Variants in ZBTB47 observed in about 807,000 individuals in gnomAD.
ZBTB47 encodes zinc finger and BTB domain-containing protein 47.
A neutral mutation model predicts 56.6 loss-of-function variants in ZBTB47; 24 were observed. The observed-to-expected ratio is 0.42, with a 90% CI of 0.31 to 0.60. ZBTB47 has a LOEUF of 0.60. Among genes scored for constraint, ZBTB47 ranks in the 20% least tolerant of loss-of-function variants. ZBTB47 has a pLI of 0.14. For synonymous variants in ZBTB47, 414 were observed against 418.9 expected, an observed-to-expected ratio of 0.99 and a Z score of 0.14; for missense variants, 829 against 1,032.6, an observed-to-expected ratio of 0.80 and a Z score of 2.70.
rs572377285 is a variant in ZBTB47, at chr3:42,666,583, C to T, written c.*1985C>T. On this transcript the variant is annotated 3_prime_UTR_variant, in exon 6 of 6. Coordinates refer to ENST00000232974, the MANE Select transcript of ZBTB47 (RefSeq NM_145166.4). ...CCAGTGGGCTGTAGGCAGGGTCCTC[C>T]ATGGGTTTCCAACCCCCATCACTGG... is the stretch of plus-strand genomic sequence containing the variant. Among the ~76,000 whole-genome samples, 3 of 152,310 alleles carry T rather than the reference C, an allele frequency of 2.0e-5. No homozygotes were observed. The highest frequency in any genetic ancestry group is 4.4e-5 in the Non-Finnish European group (3 of 68,022).
chr3:42,659,834 C>T lies in ZBTB47; in HGVS notation c.1473+6C>T. The T allele has an allele frequency of 6.3e-7, 1 of 1,591,936 alleles. No homozygotes were observed. Among genetic ancestry groups the T allele is most frequent in the Non-Finnish European group, 8.6e-7 (1 of 1,167,260 alleles). The stretch of plus-strand genomic sequence containing the variant: ...ACTGCGAGCGCAACATCCAGGTGGG[C>T]CTCACGTGGCTGGGGGCAGGGCAGA... On this transcript the variant is annotated splice_donor_region_variant and intron_variant, in intron 2 of 5. Coordinates refer to ENST00000232974, the MANE Select transcript of ZBTB47 (RefSeq NM_145166.4).
intron 1 of ZBTB47, 96 bp from the exon 2 acceptor site, chr3:42,658,179 C>T (rs975750200): frequency 2.3e-6 from 3 of 1,332,704 alleles, no homozygotes; most frequent in African/African-American, 3.0e-5. Flanking sequence ...GATGGGCTGC[C>T]TCCTGGATGG....
rs768798860 is a variant in ZBTB47, at chr3:42,659,153, G to A, written c.798G>A (p.Leu266=). 31 of 1,514,528 alleles carry A rather than the reference G, an allele frequency of 2.0e-5. No homozygotes were observed. In the African/African-American group the frequency reaches 3.7e-4, roughly 18 times the overall value. 93.8% of individuals were successfully genotyped at this position (1,514,528 alleles called of 1,614,324 possible). A position where few individuals can be genotyped will look rare whatever the true frequency, so the allele number is the denominator to read the frequency against. Residue 266 remains leucine, a synonymous_variant, in exon 2 of 6, where the codon CTG becomes CTA. Coordinates refer to ENST00000232974, the MANE Select transcript of ZBTB47 (RefSeq NM_145166.4). Reference sequence around the variant, plus strand: ...GGCCAAGCCCAGCCACCGTGGTTCTGGGCCGGGAGGACGGGCTGCAGAGAC... The same window carrying A: ...GGCCAAGCCCAGCCACCGTGGTTCTAGGCCGGGAGGACGGGCTGCAGAGAC... The part of the protein sequence containing the change: ...GAGPSPATVV[L]GREDGLQRHS...
intron 3 of ZBTB47, among the ~76,000 whole-genome samples, chr3:42,661,883 C>T (rs1710725979): frequency 6.6e-6 from 1 of 152,202 alleles, no homozygotes; most frequent in Non-Finnish European, 1.5e-5. Flanking sequence ...AGGTGGGAAC[C>T]GGAATCAAGC....
Position 42,658,873 on chromosome 3 carries a change from C to T in ZBTB47, c.518C>T (p.Thr173Ile). 1.3e-6 allele frequency: 2 copies of T among 1,519,500 alleles called. No homozygotes were observed. The highest frequency in any genetic ancestry group is 1.8e-6 in the Non-Finnish European group (2 of 1,137,840). The allele number at this position is 1,519,500 out of a possible 1,614,324, so 94.1% of individuals were successfully genotyped here. ...YSVRVEDGAGTAGGTVPATIG... is the reference protein window; with the variant it reads ...YSVRVEDGAGIAGGTVPATIG... ...GTGCGTGTTGAGGACGGGGCAGGGA[C>T]TGCTGGTGGCACAGTGCCTGCCACC... Residue 173 changes from threonine (T) to isoleucine (I), a missense_variant, in exon 2 of 6, where the codon ACT becomes ATT. Physicochemically the swap from Thr to Ile is moderately conservative, Grantham distance 89 (BLOSUM62 -1). Transcript: ENST00000232974.
Position 42,661,564 on chromosome 3 carries a change from A to G in ZBTB47, c.1553A>G (p.Lys518Arg), listed in dbSNP as rs1189318319. The G allele has an allele frequency of 3.1e-6, 5 of 1,613,966 alleles. No homozygotes were observed. The highest frequency in any genetic ancestry group is 1.3e-5 in the African/African-American group (1 of 74,962). ...AAGATTGTGCACGGCTACGCAGAGAAGAAGTTCTCATGCGAGATCTGTGAG... is the reference window on the plus strand; with the variant it reads ...AAGATTGTGCACGGCTACGCAGAGAGGAAGTTCTCATGCGAGATCTGTGAG... Reference protein sequence around the residue: ...HNKIVHGYAEKKFSCEICEKK... With the variant: ...HNKIVHGYAERKFSCEICEKK... Residue 518 changes from lysine to arginine, a missense_variant, in exon 3 of 6, where the codon AAG becomes AGG. Lys to Arg is a conservative substitution (Grantham distance 26). Around this residue, in one of 6 missense-constraint regions of ZBTB47, gnomAD observed 187 missense variants for 253.1 expected, o/e 0.74. Transcript: ENST00000232974.
At position 42,661,470 on chromosome 3, in the gene ZBTB47, CCT is replaced by C; in HGVS notation, c.1474-12_1474-11del. 6.2e-7 allele frequency: 1 copy of C among 1,612,430 alleles called. No individual in the cohort carries two copies. Among genetic ancestry groups the C allele is most frequent in the Non-Finnish European group, 8.5e-7 (1 of 1,179,192 alleles). On this transcript the variant is annotated splice_polypyrimidine_tract_variant and intron_variant, in intron 2 of 5. Coordinates refer to ENST00000232974, the MANE Select transcript of ZBTB47 (RefSeq NM_145166.4). ...GGACTCAGGACCCAGGGCCTCAAGT[CCT>C]CTTATTCTGCAGTGTGTGACATGTG...
chr3:42,653,320 G>A (rs1009019058), upstream of ZBTB47, among the ~76,000 whole-genome samples: 1 of 152,192 alleles, frequency 6.6e-6, no homozygotes, highest in African/African-American at 2.4e-5. Context: ...TCGTGAGTAG[G>A]ACAACATACC....
Position 42,658,304 on chromosome 3 carries a change from G to T in ZBTB47, c.-52G>T. ...TGGTTGAGAAGACAACTGACTCCCCGGCGGCTGAGTTCTCGCTGGTGGAGG... is the reference window on the plus strand; with the variant it reads ...TGGTTGAGAAGACAACTGACTCCCCTGCGGCTGAGTTCTCGCTGGTGGAGG... On this transcript the variant is annotated 5_prime_UTR_variant, in exon 2 of 6. Coordinates refer to ENST00000232974, the MANE Select transcript of ZBTB47 (RefSeq NM_145166.4). 13 of 1,486,534 alleles carry T rather than the reference G, an allele frequency of 8.7e-6. No homozygotes were observed. In the South Asian group the frequency reaches 1.7e-4, roughly 20 times the overall value. 92.1% of individuals were successfully genotyped at this position (1,486,534 alleles called of 1,614,324 possible). A position where few individuals can be genotyped will look rare whatever the true frequency, so the allele number is the denominator to read the frequency against.
At chr3:42,662,838 C>T (rs1403821533) in intron 3 of ZBTB47, among the ~76,000 whole-genome samples, 174 bp from the exon 4 acceptor site, 1 of 152,210 alleles carries the variant, frequency 6.6e-6, no homozygotes, top group Non-Finnish European at 1.5e-5. Flanking sequence ...GAGACCCAGC[C>T]ATGGAGGCAG....
At chr3:42,655,210 T>C (rs1349025013) in intron 1 of ZBTB47, among the ~76,000 whole-genome samples, 1 of 152,132 alleles carries the variant, frequency 6.6e-6, no homozygotes, top group East Asian at 1.9e-4. Context: ...CAGAGGAGGC[T>C]GGCATGGACA....
intron 1 of ZBTB47, among the ~76,000 whole-genome samples, chr3:42,657,001 C>T (rs1379816015): frequency 6.6e-6 from 1 of 152,212 alleles, no homozygotes; most frequent in Non-Finnish European, 1.5e-5. Context: ...GTTGGGCAGG[C>T]CCTGAGGAGA....
upstream of ZBTB47, among the ~76,000 whole-genome samples, chr3:42,653,445 A>G (rs1414509080): frequency 6.6e-6 from 1 of 152,288 alleles, no homozygotes; most frequent in Admixed American, 6.5e-5. Context: ...CAGGATGGGC[A>G]GTAGTGAGCT....
Position 42,664,734 on chromosome 3 carries a change from T to C in ZBTB47, c.*136T>C, listed in dbSNP as rs1189068976. On this transcript the variant is annotated 3_prime_UTR_variant, in exon 6 of 6. Coordinates refer to ENST00000232974, the MANE Select transcript of ZBTB47 (RefSeq NM_145166.4). ...CCTCCAGAAGTGGCTGGATGTACCCTGCCTGAGGCCCCGACGAGGAGGGGT... is the reference window on the plus strand; with the variant it reads ...CCTCCAGAAGTGGCTGGATGTACCCCGCCTGAGGCCCCGACGAGGAGGGGT... 3 of 1,068,014 alleles carry C rather than the reference T, an allele frequency of 2.8e-6. No homozygotes were observed. The highest frequency in any genetic ancestry group is 3.6e-6 in the Non-Finnish European group (3 of 823,578). 66.2% of individuals were successfully genotyped at this position (1,068,014 alleles called of 1,614,324 possible). A position where few individuals can be genotyped will look rare whatever the true frequency, so the allele number is the denominator to read the frequency against.
At position 42,659,672 on chromosome 3, in the gene ZBTB47, G is replaced by T; in HGVS notation, c.1317G>T (p.Gln439His). 1 of 1,612,854 alleles carries T rather than the reference G, an allele frequency of 6.2e-7. No homozygotes were observed. The highest frequency in any genetic ancestry group is 8.5e-7 in the Non-Finnish European group (1 of 1,179,460). Residue 439 changes from glutamine (Q) to histidine (H), a missense_variant, in exon 2 of 6, where the codon CAG becomes CAT. Coordinates refer to ENST00000232974, the MANE Select transcript of ZBTB47 (RefSeq NM_145166.4). ...AGGAGAAGCAGCACCATCCATGCCA[G>T]AAGTGCCCACGAGTTTTCAACAACC... Reference protein sequence around the residue: ...KLEEKQHHPCQKCPRVFNNRW... With the variant: ...KLEEKQHHPCHKCPRVFNNRW...
chr3:42,660,894 A>G (rs1473960874), intron 2 of ZBTB47, among the ~76,000 whole-genome samples: 1 of 152,174 alleles, frequency 6.6e-6, no homozygotes, highest in African/African-American at 2.4e-5. Flanking sequence ...GGTGTCCTGC[A>G]TAGATGGGCA....
Position 42,658,841 on chromosome 3 carries a change from T to G in ZBTB47, c.486T>G (p.Pro162=), listed in dbSNP as rs1710670976. The G allele has an allele frequency of 6.5e-7, 1 of 1,532,786 alleles. No homozygotes were observed. Among genetic ancestry groups the G allele is most frequent in the South Asian group, 1.2e-5 (1 of 83,436 alleles). The allele number at this position is 1,532,786 out of a possible 1,614,324, so 94.9% of individuals were successfully genotyped here. A position where few individuals can be genotyped will look rare whatever the true frequency, so the allele number is the denominator to read the frequency against. ...TCTATGCCCGCGAGGGCCCTGACCC[T>G]TACTCGGTGCGTGTTGAGGACGGGG... The part of the protein sequence containing the change: ...PKIYAREGPD[P]YSVRVEDGAG... Residue 162 remains proline, a synonymous_variant, in exon 2 of 6, where the codon CCT becomes CCG. Transcript: ENST00000232974.
intron 1 of ZBTB47, among the ~76,000 whole-genome samples, chr3:42,657,088 G>A (rs1710647863): frequency 6.6e-6 from 1 of 152,226 alleles, no homozygotes; most frequent in Non-Finnish European, 1.5e-5. Context: ...GCACATCACT[G>A]TGTGATGGTT....
At position 42,664,749 on chromosome 3, in the gene ZBTB47, C is replaced by G; in HGVS notation, c.*151C>G. ...GGATGTACCCTGCCTGAGGCCCCGA[C>G]GAGGAGGGGTATGCAGGCTGGCAGG... On this transcript the variant is annotated 3_prime_UTR_variant, in exon 6 of 6. Coordinates refer to ENST00000232974, the MANE Select transcript of ZBTB47 (RefSeq NM_145166.4). 1.1e-6 allele frequency: 1 copy of G among 923,228 alleles called. No individual in the cohort carries two copies. The highest frequency in any genetic ancestry group is 1.4e-6 in the Non-Finnish European group (1 of 693,930). The allele number at this position is 923,228 out of a possible 1,614,324, so 57.2% of individuals were successfully genotyped here. A position where few individuals can be genotyped will look rare whatever the true frequency, so the allele number is the denominator to read the frequency against.
Sources: gnomAD v4.1 joint callset for allele counts (sites outside exome capture counted in the v4.1 genomes callset) on GRCh38, gnomAD v4.1.1 for gene constraint, gnomAD v4.1.1 regional missense constraint, MANE v1.5 for transcripts, NCBI Gene and HGNC (gene_info 2026-07-23, HGNC 2026-07-21) for gene names.